Variants in LRP1B observed in about 807,000 individuals in gnomAD.
LRP1B encodes the protein LDL receptor related protein 1B.
LRP1B carries 217 observed loss-of-function variants against 556.6 expected under a neutral mutation model. The ratio of observed to expected loss-of-function variants is 0.39; its 90% confidence interval spans 0.35 to 0.44. The LOEUF (loss-of-function observed/expected upper bound fraction) is 0.44. Among genes scored for constraint, LRP1B ranks in the 20% least tolerant of loss-of-function variants. The pLI, the probability that LRP1B is intolerant of heterozygous loss-of-function variation, is 1.00. For missense variants in LRP1B, 5,053 were observed against 5,620.8 expected, an observed-to-expected ratio of 0.90 and a Z score of 3.23; for synonymous variants, 2,047 against 1,865.8, an observed-to-expected ratio of 1.10 and a Z score of -2.50.
chr2:140,360,916 C>A (rs1199348424), intron 72 of LRP1B, among the ~76,000 whole-genome samples: 1 of 151,314 alleles, frequency 6.6e-6, no homozygotes, highest in East Asian at 2.0e-4. Flanking sequence ...TTTGTAAAAC[C>A]ACTACTAGAA....
intron 2 of LRP1B, among the ~76,000 whole-genome samples, chr2:141,693,747 G>C (rs1259358360): frequency 6.6e-6 from 1 of 151,908 alleles, no homozygotes. Context: ...TCATGTCTAA[G>C]GGATTCTTAT....
intron 21 of LRP1B, among the ~76,000 whole-genome samples, chr2:140,911,072 G>A (rs1308215737): frequency 6.6e-6 from 1 of 151,766 alleles, no homozygotes; most frequent in Non-Finnish European, 1.5e-5. Flanking sequence ...ATACATTAAA[G>A]GTATATGCTT....
At chr2:140,407,847 G>A (rs936032573) in intron 66 of LRP1B, among the ~76,000 whole-genome samples, 2 of 151,762 alleles carry the variant, frequency 1.3e-5, no homozygotes, top group African/African-American at 2.4e-5. Context: ...CAAAAGAAAA[G>A]AAGTCATTAT....
At chr2:140,805,341 G>GT (rs561855792) in intron 32 of LRP1B, among the ~76,000 whole-genome samples, 1 of 152,068 alleles carries the variant, frequency 6.6e-6, no homozygotes, top group Non-Finnish European at 1.5e-5. Context: ...AAGGCTGGTG[G>GT]TTTTTTTGCC....
At chr2:141,996,604 A>C (rs1702497521) in intron 1 of LRP1B, among the ~76,000 whole-genome samples, 1 of 152,252 alleles carries the variant, frequency 6.6e-6, no homozygotes, top group Admixed American at 6.5e-5. Flanking sequence ...CTGGCTAAAA[A>C]GAAACAAGGA....
chr2:141,480,428 G>A lies in LRP1B; in HGVS notation c.311C>T (p.Pro104Leu), dbSNP rs754422175. ...SQLCNGVLDCPDGYDEGVHCQ... is the reference protein window; with the variant it reads ...SQLCNGVLDCLDGYDEGVHCQ... The stretch of plus-strand genomic sequence containing the variant: ...ATGTACTCCTTCGTCATACCCATCT[G>A]GGCAGTCCAAGACACCATTGCACAG... The change falls in exon 3 of 91, where the codon CCA becomes CTA. Residue 104 changes from proline (P) to leucine (L), a missense_variant. Pro to Leu is a moderately conservative substitution (Grantham distance 98). Coordinates refer to ENST00000389484, the MANE Select transcript of LRP1B (RefSeq NM_018557.3). The A allele has an allele frequency of 8.1e-5, 131 of 1,613,754 alleles. No homozygotes were observed. The highest frequency in any genetic ancestry group is 1.1e-4 in the Non-Finnish European group (125 of 1,179,910).
chr2:140,885,814 A>C (rs2105191160), intron 24 of LRP1B, among the ~76,000 whole-genome samples: 1 of 137,478 alleles, frequency 7.3e-6, no homozygotes, highest in East Asian at 2.2e-4. Context: ...AAAAAAAAAA[A>C]ACAAGTTATT....
intron 3 of LRP1B, among the ~76,000 whole-genome samples, chr2:141,367,921 A>G (rs1689103425): frequency 6.6e-6 from 1 of 152,240 alleles, no homozygotes; most frequent in Admixed American, 6.5e-5. Context: ...TAAAACAAAC[A>G]AAATTTTAAT....
rs140633132 is a variant in LRP1B, at chr2:140,462,958, A to T, written c.9626-5307T>A. 3.9e-5 allele frequency among the ~76,000 whole-genome samples: 6 copies of T among 152,314 alleles called. No homozygotes were observed. The East Asian group carries it at 1.2e-3, about 29-fold the overall frequency. Reference sequence around the variant, plus strand: ...TATTTTTCTGGAAGAATAAGAGCACAATGAGATGTGTAGAGAAGATAGGGC... The same window carrying T: ...TATTTTTCTGGAAGAATAAGAGCACTATGAGATGTGTAGAGAAGATAGGGC... On this transcript the variant is annotated intron_variant, in intron 60 of 90. Transcript: ENST00000389484.
chr2:141,901,836 T>G (rs1265797934), intron 1 of LRP1B, among the ~76,000 whole-genome samples: 7 of 151,886 alleles, frequency 4.6e-5, no homozygotes, highest in Admixed American at 4.6e-4. Context: ...ACATAATAAT[T>G]AATCATAATT....
At chr2:141,737,665 C>G (rs1693537531) in intron 2 of LRP1B, among the ~76,000 whole-genome samples, 1 of 152,114 alleles carries the variant, frequency 6.6e-6, no homozygotes, top group South Asian at 2.1e-4. Context: ...AATTTTTTGG[C>G]AACCTGAGAT....
At chr2:141,535,013 T>A (rs1559126211) in intron 2 of LRP1B, among the ~76,000 whole-genome samples, 1 of 152,184 alleles carries the variant, frequency 6.6e-6, no homozygotes, top group Non-Finnish European at 1.5e-5. Flanking sequence ...TTTTAAGGCC[T>A]GGGTTGTTTT....
chr2:140,859,297 T>C (rs1173202695), intron 27 of LRP1B, among the ~76,000 whole-genome samples: 2 of 152,170 alleles, frequency 1.3e-5, no homozygotes, highest in Non-Finnish European at 2.9e-5. Context: ...ATTGAAAATA[T>C]TAATAGTCCT....
intron 11 of LRP1B, among the ~76,000 whole-genome samples, chr2:141,030,959 T>C (rs1479003401): frequency 6.6e-6 from 1 of 151,906 alleles, no homozygotes; most frequent in African/African-American, 2.4e-5. Flanking sequence ...GAGTCTAAAA[T>C]AAACCTGGTC....
intron 1 of LRP1B, among the ~76,000 whole-genome samples, chr2:142,078,833 A>G (rs1705606435): frequency 6.6e-6 from 1 of 151,776 alleles, no homozygotes; most frequent in Non-Finnish European, 1.5e-5. Context: ...AATAAGTAGT[A>G]TACATGTATA....
At chr2:140,711,126 G>C (rs1687017361) in intron 37 of LRP1B, among the ~76,000 whole-genome samples, 1 of 151,984 alleles carries the variant, frequency 6.6e-6, no homozygotes, top group South Asian at 2.1e-4. Flanking sequence ...ACCTTTTTCT[G>C]AGGTTATACT....
In LRP1B at chr2:141,035,542, A is replaced by T. The variant is rs190279555; in HGVS notation, c.1789+13444T>A. Among the ~76,000 whole-genome samples the T allele has an allele frequency of 5.5e-4, 83 of 152,200 alleles. 1 individual carries two copies. The South Asian group carries it at 8.5e-3, about 16-fold the overall frequency. ...TTTTCAGATAAACACTTTGCCTTCT[A>T]TCTGACAGATATTTGGCAATTATAT... On this transcript the variant is annotated intron_variant, in intron 11 of 90. Coordinates refer to ENST00000389484, the MANE Select transcript of LRP1B (RefSeq NM_018557.3).
At chr2:141,172,285 G>A (rs1197637868) in intron 7 of LRP1B, among the ~76,000 whole-genome samples, 1 of 152,008 alleles carries the variant, frequency 6.6e-6, no homozygotes, top group Non-Finnish European at 1.5e-5. Context: ...GTCTCAGCTG[G>A]CCTGTGTGTA....
intron 1 of LRP1B, among the ~76,000 whole-genome samples, chr2:142,015,556 A>G (rs1456386775): frequency 6.6e-6 from 1 of 152,206 alleles, no homozygotes; most frequent in Admixed American, 6.5e-5. Context: ...TCTGCACAAC[A>G]AAAGAAACCA....
Sources: gnomAD v4.1 joint callset for allele counts (sites outside exome capture counted in the v4.1 genomes callset) on GRCh38, gnomAD v4.1.1 for gene constraint, MANE v1.5 for transcripts, NCBI Gene and HGNC (gene_info 2026-07-23, HGNC 2026-07-21) for gene names.